The following ZNRF3 variants were observed in gnomAD, a reference collection of about 807,000 sequenced individuals.
ZNRF3 encodes E3 ubiquitin-protein ligase ZNRF3.
ZNRF3 carries 23 observed loss-of-function variants against 72.5 expected under a neutral mutation model. The observed-to-expected ratio is 0.32, with a 90% confidence interval of 0.23 to 0.45. ZNRF3 has a LOEUF of 0.45. Ranked by LOEUF, ZNRF3 falls within the 20% of genes least tolerant of loss-of-function variation. ZNRF3 has a pLI of 1.00. For missense variants in ZNRF3, 1,169 were observed against 1,272.1 expected (o/e 0.92, Z 1.23); for synonymous variants, 610 against 545.3 (o/e 1.12, Z -1.65).
chr22:28,908,567 G>T (rs1027285548), intron 1 of ZNRF3, among the ~76,000 whole-genome samples: 11 of 152,134 alleles, frequency 7.2e-5, no homozygotes, highest in African/African-American at 2.4e-4. Context: ...TCCTTGTGGA[G>T]CATCATTTGC....
chr22:28,937,199 ATATATATATATATATATTT>A (rs1428316855), intron 1 of ZNRF3, among the ~76,000 whole-genome samples: 54 of 6,154 alleles, frequency 8.8e-3, no homozygotes, highest in African/African-American at 0.024. Context: ...ATATATATAT[ATATATATATATATATATTT>A]TTTTTTTTTT....
chr22:29,020,659 A>G (rs956607602), intron 2 of ZNRF3, among the ~76,000 whole-genome samples: 1 of 152,078 alleles, frequency 6.6e-6, no homozygotes, highest in African/African-American at 2.4e-5. Flanking sequence ...GTATACTCAC[A>G]TCTACTGACC....
chr22:29,042,914 A>G (rs1438087591), intron 3 of ZNRF3, among the ~76,000 whole-genome samples: 2 of 152,104 alleles, frequency 1.3e-5, no homozygotes, highest in African/African-American at 4.8e-5. Context: ...ATCTGGAATT[A>G]TAGGCACGAG....
At chr22:29,031,167 G>C (rs1263803470) in intron 2 of ZNRF3, 1 of 152,282 alleles carries the variant, frequency 6.6e-6, no homozygotes, top group Non-Finnish European at 1.5e-5. Context: ...CTGCAAGTTT[G>C]GCTTAGTAAA....
At position 28,955,298 on chromosome 22, in the gene ZNRF3, C is replaced by T. The variant is rs370601568; in HGVS notation, c.301-31778C>T. Reference sequence around the variant, plus strand: ...GATCACTCAAGTGATCCTCCTTCACCAGCCTTCCAAAATGCTGGGATTATG... The same window carrying T: ...GATCACTCAAGTGATCCTCCTTCACTAGCCTTCCAAAATGCTGGGATTATG... On this transcript the variant is annotated intron_variant, in intron 1 of 8. Transcript: ENST00000544604. 3.9e-5 allele frequency among the ~76,000 whole-genome samples: 6 copies of T among 152,278 alleles called. No homozygotes were observed. The East Asian group carries it at 7.7e-4, about 20-fold the overall frequency.
chr22:28,944,965 T>TAAA (rs1569255761), intron 1 of ZNRF3, among the ~76,000 whole-genome samples: 26 of 146,986 alleles, frequency 1.8e-4, no homozygotes, highest in African/African-American at 5.6e-4. Flanking sequence ...AAATAAATAA[T>TAAA]AATAATACTC....
rs563848324 is a variant in ZNRF3, at chr22:29,039,920, C to T, written c.427-2575C>T. 9.9e-5 allele frequency among the ~76,000 whole-genome samples: 15 copies of T among 152,200 alleles called. No individual in the cohort carries two copies. In the South Asian group the frequency reaches 2.1e-3, roughly 21 times the overall value. On this transcript the variant is annotated intron_variant, in intron 2 of 8. Coordinates refer to ENST00000544604, the MANE Select transcript of ZNRF3 (RefSeq NM_001206998.2). ...GCTGCAGTGAGCTATGATTGCACCA[C>T]TCCAGCCCAGGTGACAGAGTGAAAG...
chr22:28,984,386 A>G (rs962724940), intron 1 of ZNRF3, among the ~76,000 whole-genome samples: 4 of 152,118 alleles, frequency 2.6e-5, no homozygotes, highest in Non-Finnish European at 5.9e-5. Context: ...CTGGACATGT[A>G]ATGGAATCAT....
Position 29,050,406 on chromosome 22 carries a change from G to A in ZNRF3, c.2225G>A (p.Gly742Asp), listed in dbSNP as rs1172231227. The change falls in exon 8 of 9, where the codon GGC (glycine) becomes GAC (aspartate). Residue 742 changes from glycine to aspartate, a missense_variant. Gly to Asp is a moderately conservative substitution (Grantham distance 94). Transcript: ENST00000544604. ...TLFLGPHLYE[G>D]SGPAGGEPQS... ...TTCCTGGGGCCCCACCTCTACGAGGGCTCTGGCCCGGCGGGTGGGGAGCCC... is the reference window on the plus strand; with the variant it reads ...TTCCTGGGGCCCCACCTCTACGAGGACTCTGGCCCGGCGGGTGGGGAGCCC... 3 of 1,606,438 alleles carry A rather than the reference G, an allele frequency of 1.9e-6. No homozygotes were observed. The highest frequency in any genetic ancestry group is 2.6e-6 in the Non-Finnish European group (3 of 1,175,606).
Position 29,049,186 on chromosome 22 carries a change from C to A in ZNRF3, c.1016-11C>A. The A allele has an allele frequency of 6.3e-7, 1 of 1,578,782 alleles. No individual in the cohort carries two copies. Among genetic ancestry groups the A allele is most frequent in the Non-Finnish European group, 8.6e-7 (1 of 1,160,238 alleles). On this transcript the variant is annotated splice_polypyrimidine_tract_variant and intron_variant, in intron 7 of 8. Coordinates refer to ENST00000544604, the MANE Select transcript of ZNRF3 (RefSeq NM_001206998.2). The surrounding 1 kb of genome is among the most constrained non-coding windows in gnomAD (Gnocchi z 5.2). ...AGCCCTGCCTACTCTGTTTCCTCCA[C>A]TTGTCTCCAGAACAAAAGGGAAACC...
chr22:28,895,597 G>A (rs1336305997), intron 1 of ZNRF3, among the ~76,000 whole-genome samples: 105 of 152,186 alleles, frequency 6.9e-4, no homozygotes, highest in Non-Finnish European at 2.4e-4. Flanking sequence ...AACCTGGGTG[G>A]CGGAGCTTAC....
At chr22:28,967,033 C>G (rs1051487805) in intron 1 of ZNRF3, among the ~76,000 whole-genome samples, 3 of 151,932 alleles carry the variant, frequency 2.0e-5, no homozygotes, top group African/African-American at 7.3e-5. Flanking sequence ...GTGCCTGTCA[C>G]CACGCCCATC....
At chr22:28,963,461 G>GA (rs2035402468) in intron 1 of ZNRF3, among the ~76,000 whole-genome samples, 2 of 152,206 alleles carry the variant, frequency 1.3e-5, no homozygotes, top group African/African-American at 4.8e-5. Context: ...AATCGCAGGA[G>GA]AGGGGGGTAG....
rs139016817 is a variant in ZNRF3 at position 28,912,118 on chromosome 22, C to T, written c.300+28052C>T. Among the ~76,000 whole-genome samples, 628 of 152,272 alleles carry T rather than the reference C, an allele frequency of 4.1e-3. 15 individuals carry two copies. In the East Asian group the frequency reaches 0.049, roughly 12 times the overall value. On this transcript the variant is annotated intron_variant, in intron 1 of 8. Coordinates refer to ENST00000544604, the MANE Select transcript of ZNRF3 (RefSeq NM_001206998.2). ...CTTTCCACAGGAACTAACTCCCTCCCGAGAAACAGGAGCAGATGCTCCTGG... is the reference window on the plus strand; with the variant it reads ...CTTTCCACAGGAACTAACTCCCTCCTGAGAAACAGGAGCAGATGCTCCTGG...
At chr22:29,022,844 G>A (rs1474339571) in intron 2 of ZNRF3, among the ~76,000 whole-genome samples, 1 of 152,120 alleles carries the variant, frequency 6.6e-6, no homozygotes, top group Non-Finnish European at 1.5e-5. Flanking sequence ...GTCCTTTATA[G>A]TCAACTTCCC....
intron 2 of ZNRF3, among the ~76,000 whole-genome samples, chr22:29,023,460 C>T (rs2036573139): frequency 6.6e-6 from 1 of 152,186 alleles, no homozygotes; most frequent in African/African-American, 2.4e-5. Flanking sequence ...CTAAGAGACC[C>T]TCTTTGTCCC....
chr22:29,029,069 C>G (rs2036697507), intron 2 of ZNRF3, among the ~76,000 whole-genome samples: 1 of 152,186 alleles, frequency 6.6e-6, no homozygotes. Context: ...AGCTTGGCCT[C>G]AAAGCCTAGG....
chr22:29,001,253 T>C (rs184243300), intron 2 of ZNRF3, among the ~76,000 whole-genome samples: 32 of 151,476 alleles, frequency 2.1e-4, no homozygotes, highest in South Asian at 8.4e-4. Context: ...GTATTTTTAG[T>C]AGAGACAGGG....
At chr22:28,917,392 C>A in intron 1 of ZNRF3, 1 of 985,370 alleles carries the variant, frequency 1.0e-6, no homozygotes, top group Non-Finnish European at 1.2e-6. Flanking sequence ...CATCTGTGCA[C>A]AGAAGTTTGC....
Sources: gnomAD v4.1 joint callset for allele counts (sites outside exome capture counted in the v4.1 genomes callset) on GRCh38, gnomAD v4.1.1 for gene constraint, Gnocchi (gnomAD v3.1) non-coding constraint, MANE v1.5 for transcripts, NCBI Gene and HGNC (gene_info 2026-07-23, HGNC 2026-07-21) for gene names.